ARG2: variants seen among roughly 807,000 people sequenced by gnomAD.
ARG2 encodes arginase-2, mitochondrial.
In ARG2, 21 loss-of-function variants were observed where a neutral mutation model predicts 39.4. The ratio of observed to expected loss-of-function variants is 0.53; its 90% CI spans 0.38 to 0.77. ARG2 has a LOEUF of 0.77. ARG2 is among the 30% of genes least tolerant of loss of function. The probability of loss-of-function intolerance (pLI) is 0.00; values close to 1 mark genes in which losing one functional copy is unlikely to be tolerated. For missense variants in ARG2, 378 were observed against 426.2 expected (o/e 0.89, Z 1.00); for synonymous variants, 150 against 156.7 (o/e 0.96, Z 0.32).
At chr14:67,638,756 T>G (rs921695027) in intron 2 of ARG2, among the ~76,000 whole-genome samples, 11 of 152,238 alleles carry the variant, frequency 7.2e-5, no homozygotes, top group Admixed American at 2.6e-4. Flanking sequence ...GCTTTGTGGA[T>G]GCAGAAACAC....
intron 2 of ARG2, among the ~76,000 whole-genome samples, chr14:67,630,239 A>G (rs1315232953): frequency 6.6e-6 from 1 of 152,250 alleles, no homozygotes; most frequent in Non-Finnish European, 1.5e-5. Flanking sequence ...AACAGTGCCC[A>G]TGGTAAGGGT....
chr14:67,635,355 A>G (rs779813475), intron 2 of ARG2, among the ~76,000 whole-genome samples: 4 of 152,256 alleles, frequency 2.6e-5, no homozygotes, highest in Non-Finnish European at 5.9e-5. Flanking sequence ...TACCTAAATA[A>G]CAGTCTCTTC....
intron 2 of ARG2, among the ~76,000 whole-genome samples, chr14:67,632,773 T>G (rs1490146174): frequency 8.6e-6 from 1 of 116,046 alleles, no homozygotes; most frequent in African/African-American, 3.0e-5. Context: ...GGAGGTCTCT[T>G]TCTTTATTTT....
At chr14:67,625,356 A>G (rs115881496) in intron 2 of ARG2, among the ~76,000 whole-genome samples, 20 of 152,288 alleles carry the variant, frequency 1.3e-4, no homozygotes, top group African/African-American at 4.8e-4. Flanking sequence ...TAGCTAAATT[A>G]AATACATCTA....
chr14:67,644,519 A>G (rs1457373152), intron 3 of ARG2, among the ~76,000 whole-genome samples: 1 of 152,178 alleles, frequency 6.6e-6, no homozygotes, highest in African/African-American at 2.4e-5. Context: ...ATATTGACCA[A>G]GAAGGATGGT....
chr14:67,649,517 T>TATTTC (rs2140789104), intron 7 of ARG2: 1 of 152,254 alleles, frequency 6.6e-6, no homozygotes, highest in South Asian at 2.1e-4. Context: ...GTCATGTATA[T>TATTTC]ATTTCTAATA....
Position 67,645,447 on chromosome 14 carries a change from G to A in ARG2, c.363-196G>A, listed in dbSNP as rs552947104. ...TGCAGGGTAGCAAGTCACCAGCTTC[G>A]AATCTCTAGGGCTTTATCACTCAAG... On this transcript the variant is annotated intron_variant, in intron 3 of 7. Coordinates refer to ENST00000261783, the MANE Select transcript of ARG2 (RefSeq NM_001172.4). Among the ~76,000 whole-genome samples, 8 of 152,246 alleles carry A rather than the reference G, an allele frequency of 5.3e-5. No homozygotes were observed. In the South Asian group the frequency reaches 1.0e-3, roughly 20 times the overall value.
rs753432021 is a variant in ARG2 at position 67,645,821 on chromosome 14, A to C, written c.522+19A>C. 8 of 1,612,434 alleles carry C rather than the reference A, an allele frequency of 5.0e-6. No individual in the cohort carries two copies. Among genetic ancestry groups the C allele is most frequent in the Non-Finnish European group, 5.9e-6 (7 of 1,179,216 alleles). On this transcript the variant is annotated intron_variant, in intron 4 of 7. Transcript: ENST00000261783. ...GGATAAGGTCAGTGGGCCAAAACGA[A>C]AAGAAAGGTGAATGGCTTGCAGGGT...
chr14:67,630,390 G>C (rs1263315174), intron 2 of ARG2, among the ~76,000 whole-genome samples: 1 of 152,146 alleles, frequency 6.6e-6, no homozygotes, highest in African/African-American at 2.4e-5. Flanking sequence ...CAAGGCCTCT[G>C]CCTAATGGTG....
rs781253146 is a variant in ARG2, at chr14:67,651,400, G to T, written c.*480G>T. The T allele has an allele frequency of 6.2e-7, 1 of 1,613,950 alleles. No homozygotes were observed. On this transcript the variant is annotated 3_prime_UTR_variant, in exon 8 of 8. Coordinates refer to ENST00000261783, the MANE Select transcript of ARG2 (RefSeq NM_001172.4). ...CTATAGAAGTTCAATGGCTGCGAAA[G>T]AATTTGTAGTAAACCAGGCCTCCCA... is the stretch of plus-strand genomic sequence containing the variant.
intron 7 of ARG2, 95 bp from the exon 8 acceptor site, chr14:67,650,620 T>C (rs2037160848): frequency 1.7e-6 from 2 of 1,166,024 alleles, no homozygotes; most frequent in Admixed American, 1.8e-5. Context: ...GACTCTTGTT[T>C]TTACTTTGGC....
chr14:67,622,137 C>A (rs1399966164), intron 2 of ARG2, among the ~76,000 whole-genome samples: 1 of 152,062 alleles, frequency 6.6e-6, no homozygotes, highest in African/African-American at 2.4e-5. Context: ...TTCTTTATAT[C>A]CAATCTAAAT....
intron 2 of ARG2, among the ~76,000 whole-genome samples, chr14:67,626,008 C>G (rs981460746): frequency 6.6e-6 from 1 of 152,068 alleles, no homozygotes; most frequent in Non-Finnish European, 1.5e-5. Flanking sequence ...AATCCCAGTA[C>G]TTTGGGAGGC....
chr14:67,622,703 G>A (rs61990120), intron 2 of ARG2, among the ~76,000 whole-genome samples: 13,895 of 152,260 alleles, frequency 0.091, 931 homozygotes, highest in Non-Finnish European at 0.13. Context: ...GACAATCTCT[G>A]GTTATCACTG....
In ARG2 at chr14:67,651,136, A is replaced by G. The variant is rs2037169855; in HGVS notation, c.*216A>G. ...AGTTCACAGGGTATTAATATGCTAC[A>G]GTACTATGTAAATTTAAAGAAGTCA... On this transcript the variant is annotated 3_prime_UTR_variant, in exon 8 of 8. Transcript: ENST00000261783. 2.2e-6 allele frequency: 2 copies of G among 903,888 alleles called. No individual in the cohort carries two copies. The highest frequency in any genetic ancestry group is 1.8e-5 in the South Asian group (1 of 56,480). 56.0% of individuals were successfully genotyped at this position (903,888 alleles called of 1,614,324 possible). A position where few individuals can be genotyped will look rare whatever the true frequency, so the allele number is the denominator to read the frequency against.
chr14:67,646,818 G>A, intron 5 of ARG2, 80 bp downstream of exon 5: 1 of 1,429,018 alleles, frequency 7.0e-7, no homozygotes, highest in Non-Finnish European at 9.8e-7. Flanking sequence ...GCTTAACTTG[G>A]TCTATTGCAG....
intron 2 of ARG2, 136 bp downstream of exon 2, chr14:67,621,102 C>T (rs898815919): frequency 3.8e-6 from 3 of 797,396 alleles, no homozygotes; most frequent in Non-Finnish European, 6.2e-6. Context: ...CTTTGGATTC[C>T]GTCTGCGGCT....
rs201843293 is a variant in ARG2, at chr14:67,620,005, C to T, written c.28C>T (p.Leu10Phe). 3.7e-6 allele frequency: 6 copies of T among 1,608,826 alleles called. No homozygotes were observed. Among genetic ancestry groups the T allele is most frequent in the Admixed American group, 3.4e-5 (2 of 59,440 alleles). ...GTCCCTAAGGGGCAGCCTCTCGCGT[C>T]TCCTCCAGACGCGAGTGCATTCCAT... MSLRGSLSR[L>F]LQTRVHSILK... The change falls in exon 1 of 8, where the codon CTC (leucine) becomes TTC (phenylalanine). Residue 10 changes from leucine to phenylalanine, a missense_variant. Physicochemically the swap from Leu to Phe is conservative, Grantham distance 22. Coordinates refer to ENST00000261783, the MANE Select transcript of ARG2 (RefSeq NM_001172.4).
Position 67,651,592 on chromosome 14 carries a change from G to C in ARG2, c.*672G>C. 8.3e-7 allele frequency: 1 copy of C among 1,200,220 alleles called. No individual in the cohort carries two copies. Among genetic ancestry groups the C allele is most frequent in the South Asian group, 1.5e-5 (1 of 65,636 alleles). 74.3% of individuals were successfully genotyped at this position (1,200,220 alleles called of 1,614,324 possible). A position where few individuals can be genotyped will look rare whatever the true frequency, so the allele number is the denominator to read the frequency against. On this transcript the variant is annotated 3_prime_UTR_variant, in exon 8 of 8. Transcript: ENST00000261783. ...CTGGATACTCTGAGGCTGTATGTTTGATCACACAGCCACTTAGCAGGAAGT... is the reference window on the plus strand; with the variant it reads ...CTGGATACTCTGAGGCTGTATGTTTCATCACACAGCCACTTAGCAGGAAGT...
Sources: allele counts gnomAD v4.1 joint callset (sites outside exome capture counted in the v4.1 genomes callset), GRCh38; gene constraint gnomAD v4.1.1; transcripts MANE v1.5; gene names NCBI Gene and HGNC (gene_info 2026-07-23, HGNC 2026-07-21).